SPAG16: variants seen among roughly 807,000 people sequenced by gnomAD.
The protein encoded by SPAG16 is sperm-associated antigen 16 protein.
Under a neutral mutation model 80.4 loss-of-function variants are expected in SPAG16, and 86 were observed. That is an observed-to-expected ratio of 1.07 (90% CI 0.90 to 1.28). The LOEUF (loss-of-function observed/expected upper bound fraction) is 1.28, where lower values mean the gene tolerates loss of function less well. Among genes scored for constraint, SPAG16 ranks in the 50% most tolerant of loss-of-function variants. The pLI is 0.00. For synonymous variants in SPAG16, 294 were observed against 265.9 expected (o/e 1.11, Z -1.03); for missense variants, 870 against 765.3 (o/e 1.14, Z -1.61).
intron 11 of SPAG16, among the ~76,000 whole-genome samples, chr2:213,918,075 T>G (rs1266950885): frequency 1.3e-5 from 2 of 152,228 alleles, no homozygotes; most frequent in Non-Finnish European, 1.5e-5. Context: ...TCATATTTAT[T>G]GATTTGTGTA....
At chr2:213,964,164 A>G (rs1306169610) in intron 12 of SPAG16, among the ~76,000 whole-genome samples, 2 of 152,174 alleles carry the variant, frequency 1.3e-5, no homozygotes, top group Non-Finnish European at 2.9e-5. Context: ...TGGTGACTTT[A>G]TAAAACATAA....
intron 11 of SPAG16, among the ~76,000 whole-genome samples, chr2:213,867,748 C>A (rs1302074314): frequency 1.4e-5 from 2 of 140,638 alleles, no homozygotes; most frequent in African/African-American, 5.1e-5. Flanking sequence ...CGGTGAATCC[C>A]CGTCTCCACT....
chr2:214,031,508 A>C (rs1405147429), intron 13 of SPAG16, among the ~76,000 whole-genome samples: 46 of 140,846 alleles, frequency 3.3e-4, no homozygotes, highest in African/African-American at 1.1e-3. Flanking sequence ...TGACGAGTTA[A>C]TGGGTGCAGC....
intron 15 of SPAG16, among the ~76,000 whole-genome samples, chr2:214,312,260 G>A (rs908006765): frequency 7.2e-5 from 11 of 151,982 alleles, no homozygotes; most frequent in Non-Finnish European, 1.5e-4. Context: ...ACCCTCCCAG[G>A]GTGAGTTAGT....
intron 10 of SPAG16, among the ~76,000 whole-genome samples, chr2:213,854,092 A>C (rs6756638): frequency 0.34 from 52,419 of 152,106 alleles, 9,489 homozygotes; most frequent in South Asian, 0.47. Context: ...TCCTTATATT[A>C]ACTTGTGAAA....
intron 10 of SPAG16, among the ~76,000 whole-genome samples, chr2:213,550,535 T>C (rs1257273485): frequency 6.6e-6 from 1 of 152,132 alleles, no homozygotes; most frequent in African/African-American, 2.4e-5. Flanking sequence ...CTTTTCAATA[T>C]TGATCAATCT....
intron 5 of SPAG16, among the ~76,000 whole-genome samples, chr2:213,329,284 A>C (rs1364111729): frequency 6.6e-6 from 1 of 152,158 alleles, no homozygotes; most frequent in African/African-American, 2.4e-5. Flanking sequence ...CAGACAGGAA[A>C]ATTTGGGAAA....
intron 6 of SPAG16, among the ~76,000 whole-genome samples, chr2:213,347,952 T>G (rs975703390): frequency 6.6e-6 from 1 of 152,180 alleles, no homozygotes; most frequent in Non-Finnish European, 1.5e-5. Context: ...GTTAACTTTC[T>G]GTCTCGTTGA....
At chr2:214,314,800 T>C (rs951653652) in intron 15 of SPAG16, among the ~76,000 whole-genome samples, 1 of 152,088 alleles carries the variant, frequency 6.6e-6, no homozygotes, top group African/African-American at 2.4e-5. Flanking sequence ...GAGAAATAGT[T>C]GGGCGAAAGG....
At chr2:213,900,109 A>C (rs1281618011) in intron 11 of SPAG16, among the ~76,000 whole-genome samples, 1 of 152,276 alleles carries the variant, frequency 6.6e-6, no homozygotes, top group East Asian at 1.9e-4. Flanking sequence ...TCAGCATCAC[A>C]CTCACATATT....
intron 10 of SPAG16, among the ~76,000 whole-genome samples, chr2:213,742,273 C>A (rs1035608462): frequency 2.6e-5 from 4 of 151,928 alleles, no homozygotes; most frequent in Non-Finnish European, 4.4e-5. Flanking sequence ...TTATATACTT[C>A]TAGTTGAATA....
At chr2:213,461,615 C>G (rs1379917923) in intron 9 of SPAG16, among the ~76,000 whole-genome samples, 1 of 152,054 alleles carries the variant, frequency 6.6e-6, no homozygotes, top group Non-Finnish European at 1.5e-5. Flanking sequence ...TTTGAGAAAG[C>G]TTAAAATAAT....
chr2:213,497,616 T>G (rs1575752952), intron 10 of SPAG16, among the ~76,000 whole-genome samples: 1 of 152,156 alleles, frequency 6.6e-6, no homozygotes, highest in South Asian at 2.1e-4. Context: ...TTTAATTATC[T>G]AGATCTATAT....
intron 15 of SPAG16, among the ~76,000 whole-genome samples, chr2:214,364,225 G>A (rs557994402): frequency 5.3e-5 from 8 of 151,792 alleles, no homozygotes; most frequent in African/African-American, 9.7e-5. Context: ...TAGTAATGTC[G>A]GACATATACC....
chr2:214,172,225 C>A (rs1467898372), intron 15 of SPAG16, among the ~76,000 whole-genome samples: 4 of 151,960 alleles, frequency 2.6e-5, no homozygotes, highest in Non-Finnish European at 5.9e-5. Context: ...AGGTATATCT[C>A]CTAATGCTAT....
chr2:213,312,749 A>T (rs1458155597), intron 4 of SPAG16, among the ~76,000 whole-genome samples: 2 of 151,764 alleles, frequency 1.3e-5, no homozygotes, highest in Non-Finnish European at 3.0e-5. Flanking sequence ...AATGGAAGAG[A>T]TTGTAAATTA....
At chr2:214,298,039 G>A (rs2125944537) in intron 15 of SPAG16, among the ~76,000 whole-genome samples, 1 of 149,218 alleles carries the variant, frequency 6.7e-6, no homozygotes, top group Non-Finnish European at 1.5e-5. Context: ...AGTTCTCCTT[G>A]TGGAGCTCTT....
chr2:213,632,438 T>C (rs972818974), intron 10 of SPAG16, among the ~76,000 whole-genome samples: 7 of 152,162 alleles, frequency 4.6e-5, no homozygotes, highest in African/African-American at 7.2e-5. Flanking sequence ...GACTTCTTCC[T>C]TTCCAACTTG....
intron 15 of SPAG16, among the ~76,000 whole-genome samples, chr2:214,365,143 C>T (rs1273459806): frequency 2.0e-5 from 3 of 152,116 alleles, no homozygotes; most frequent in African/African-American, 2.4e-5. Flanking sequence ...AGAAGGCGCG[C>T]TCCTGCTTTT....
Sources: allele counts gnomAD v4.1 joint callset (sites outside exome capture counted in the v4.1 genomes callset), GRCh38; gene constraint gnomAD v4.1.1; transcripts MANE v1.5; gene names NCBI Gene and HGNC (gene_info 2026-07-23, HGNC 2026-07-21).